FHIT: variants seen among roughly 807,000 people sequenced by gnomAD.
FHIT encodes the protein bis(5'-adenosyl)-triphosphatase.
Under a neutral mutation model 17.9 loss-of-function variants are expected in FHIT, and 19 were observed. That is an observed-to-expected ratio of 1.06 (90% CI 0.74 to 1.56). The LOEUF (loss-of-function observed/expected upper bound fraction) is 1.56, where lower values mean the gene tolerates loss of function less well. Among genes scored for constraint, FHIT ranks in the 40% most tolerant of loss-of-function variants. The pLI, the probability that FHIT is intolerant of heterozygous loss-of-function variation, is 0.00. For missense variants in FHIT, 248 were observed against 189.2 expected (o/e 1.31, Z -1.82); for synonymous variants, 81 against 69.7 (o/e 1.16, Z -0.81).
chr3:60,090,173 C>T (rs889489120), intron 5 of FHIT, among the ~76,000 whole-genome samples: 1 of 152,066 alleles, frequency 6.6e-6, no homozygotes, highest in African/African-American at 2.4e-5. Context: ...CATGACAATG[C>T]TACAATTAAT....
At chr3:60,788,412 C>G (rs1355440225) in intron 4 of FHIT, among the ~76,000 whole-genome samples, 2 of 152,134 alleles carry the variant, frequency 1.3e-5, no homozygotes, top group East Asian at 1.9e-4. Flanking sequence ...CAACAATTTC[C>G]TATGAAAAAT....
chr3:60,103,757 G>T (rs550624390), intron 5 of FHIT, among the ~76,000 whole-genome samples: 2 of 152,266 alleles, frequency 1.3e-5, no homozygotes, highest in East Asian at 3.9e-4. Context: ...TTTTCAGCTC[G>T]AAATAATCAA....
intron 5 of FHIT, among the ~76,000 whole-genome samples, chr3:60,106,374 C>T (rs6773600): frequency 0.91 from 138,612 of 152,232 alleles, 63,199 homozygotes; most frequent in East Asian, 0.98. Context: ...ATCCATGAAA[C>T]TGGGAAAAAA....
chr3:61,144,990 A>G (rs1213995412), intron 2 of FHIT, among the ~76,000 whole-genome samples: 2 of 152,170 alleles, frequency 1.3e-5, no homozygotes, highest in Non-Finnish European at 2.9e-5. Flanking sequence ...CTTTGGGTAT[A>G]TCTTTTTACT....
chr3:60,651,914 C>T (rs1553688370), intron 4 of FHIT, among the ~76,000 whole-genome samples: 1 of 152,156 alleles, frequency 6.6e-6, no homozygotes, highest in East Asian at 1.9e-4. Context: ...ACCCAAAATA[C>T]TTTCTAAATG....
chr3:60,345,073 G>C (rs1710709288), intron 5 of FHIT, among the ~76,000 whole-genome samples: 1 of 152,038 alleles, frequency 6.6e-6, no homozygotes, highest in African/African-American at 2.4e-5. Context: ...TTAAGATTAG[G>C]AACATCCTAA....
chr3:60,586,381 A>G (rs2037908054), intron 4 of FHIT, among the ~76,000 whole-genome samples: 1 of 152,072 alleles, frequency 6.6e-6, no homozygotes, highest in Admixed American at 6.6e-5. Flanking sequence ...GATAAAAACA[A>G]CAACAAAAAC....
At chr3:60,994,120 AAT>A (rs1164003970) in intron 3 of FHIT, among the ~76,000 whole-genome samples, 1 of 152,222 alleles carries the variant, frequency 6.6e-6, no homozygotes, top group East Asian at 1.9e-4. Context: ...GGTTAAATAA[AAT>A]ATACTATTTA....
chr3:60,323,252 G>T (rs773243213), intron 5 of FHIT, among the ~76,000 whole-genome samples: 6 of 152,164 alleles, frequency 3.9e-5, no homozygotes, highest in Non-Finnish European at 8.8e-5. Context: ...TACGTAGTCA[G>T]TGATGATATC....
At chr3:60,231,215 G>C (rs1446718944) in intron 5 of FHIT, among the ~76,000 whole-genome samples, 1 of 152,118 alleles carries the variant, frequency 6.6e-6, no homozygotes, top group Non-Finnish European at 1.5e-5. Context: ...AGATATATAT[G>C]TGTGTATATA....
intron 5 of FHIT, among the ~76,000 whole-genome samples, chr3:60,339,842 G>C: frequency 6.6e-6 from 1 of 152,216 alleles, no homozygotes; most frequent in Middle Eastern, 3.4e-3. Context: ...TTGTTGCTAT[G>C]CACGCTCATT....
chr3:61,009,771 T>C (rs952711629), intron 3 of FHIT, among the ~76,000 whole-genome samples: 1 of 152,154 alleles, frequency 6.6e-6, no homozygotes, highest in Non-Finnish European at 1.5e-5. Context: ...TGATGGAACT[T>C]CTAATAAATA....
At chr3:60,494,752 T>C (rs2107509184) in intron 5 of FHIT, among the ~76,000 whole-genome samples, 1 of 152,264 alleles carries the variant, frequency 6.6e-6, no homozygotes, top group South Asian at 2.1e-4. Context: ...CCTGACTTAT[T>C]TCACTTCGCA....
intron 3 of FHIT, among the ~76,000 whole-genome samples, chr3:60,928,720 A>G (rs1319570377): frequency 2.6e-5 from 4 of 152,182 alleles, no homozygotes; most frequent in African/African-American, 9.6e-5. Context: ...TGAGGCAACA[A>G]TTAATAGCTT....
At chr3:59,826,170 T>G (rs1329645319) in intron 8 of FHIT, among the ~76,000 whole-genome samples, 2 of 152,124 alleles carry the variant, frequency 1.3e-5, no homozygotes, top group African/African-American at 2.4e-5. Context: ...CAGGCCGGAG[T>G]GCAGTGGTGC....
At chr3:59,842,463 C>A (rs1393761006) in intron 8 of FHIT, among the ~76,000 whole-genome samples, 1 of 152,094 alleles carries the variant, frequency 6.6e-6, no homozygotes, top group African/African-American at 2.4e-5. Flanking sequence ...ATATGGTAAT[C>A]CTGTTTTTAA....
At chr3:60,373,162 A>G in intron 5 of FHIT, among the ~76,000 whole-genome samples, 1 of 152,170 alleles carries the variant, frequency 6.6e-6, no homozygotes, top group East Asian at 1.9e-4. Context: ...GAAGGCACAC[A>G]TTAATTCTGT....
chr3:60,199,090 T>C (rs1271473432), intron 5 of FHIT, among the ~76,000 whole-genome samples: 1 of 152,114 alleles, frequency 6.6e-6, no homozygotes, highest in Non-Finnish European at 1.5e-5. Context: ...ATTATTTCTG[T>C]GCAAAAGAAG....
rs144978419 is a variant in FHIT, at chr3:60,462,922, T to G, written c.103+73938A>C. On this transcript the variant is annotated intron_variant, in intron 5 of 9. Coordinates refer to ENST00000492590, the MANE Select transcript of FHIT (RefSeq NM_002012.4). ...ACCAACCCTGCTCTGTATCACTCCA[T>G]GTATTCCTGGTCATATTGTCACAGC... Among the ~76,000 whole-genome samples, 656 of 152,258 alleles carry G rather than the reference T, an allele frequency of 4.3e-3. 3 individuals carry two copies. The highest frequency in any genetic ancestry group is 0.02 in the Middle Eastern group (6 of 294).
Sources: allele counts gnomAD v4.1 joint callset (sites outside exome capture counted in the v4.1 genomes callset), GRCh38; gene constraint gnomAD v4.1.1; transcripts MANE v1.5; gene names NCBI Gene and HGNC (gene_info 2026-07-23, HGNC 2026-07-21).